Variants in SHPRH observed in about 807,000 individuals in gnomAD.
The protein encoded by SHPRH is SNF2 histone linker PHD RING helicase.
SHPRH carries 106 observed loss-of-function variants against 202.5 expected under a neutral mutation model. The ratio of observed to expected loss-of-function variants is 0.52; its 90% CI spans 0.45 to 0.62. SHPRH has a LOEUF of 0.62. SHPRH is among the 20% of genes least tolerant of loss of function. The probability of loss-of-function intolerance (pLI) is 0.00; values close to 1 mark genes in which losing one functional copy is unlikely to be tolerated. For missense variants in SHPRH, 1,710 were observed against 2,020.0 expected (o/e 0.85, Z 2.94); for synonymous variants, 729 against 686.0 (o/e 1.06, Z -0.98).
At chr6:145,895,096 C>A in intron 25 of SHPRH, 119 bp from the exon 26 acceptor site, 1 of 841,290 alleles carries the variant, frequency 1.2e-6, no homozygotes, top group Non-Finnish European at 1.9e-6. Context: ...AACAAATTAT[C>A]AGGTGCATAT....
In SHPRH at chr6:145,945,513, A is replaced by G. The variant is rs750812570; in HGVS notation, c.1446T>C (p.Leu482=). ...YRYDVQRNRS[L]LKRMLKCLIF... ...TTAAACATTTCAGCATCCGTTTCAA[A>G]AGACTCCTGTTCCGTTGAACATCGT... Residue 482 remains leucine (L), a synonymous_variant, in exon 8 of 30, where the codon CTT becomes CTC. Transcript: ENST00000275233. The G allele has an allele frequency of 2.8e-5, 45 of 1,613,360 alleles. No homozygotes were observed. In the South Asian group the frequency reaches 4.6e-4, roughly 17 times the overall value.
intron 13 of SHPRH, among the ~76,000 whole-genome samples, chr6:145,934,156 T>C (rs564680761): frequency 2.0e-5 from 3 of 151,820 alleles, no homozygotes; most frequent in Non-Finnish European, 2.9e-5. Context: ...TCAGGCAACA[T>C]AGCGAGGCCC....
In SHPRH at chr6:145,893,260, T is replaced by C; in HGVS notation, c.4829A>G (p.His1610Arg). 1.3e-6 allele frequency: 2 copies of C among 1,598,292 alleles called. No individual in the cohort carries two copies. The highest frequency in any genetic ancestry group is 8.5e-7 in the Non-Finnish European group (1 of 1,173,996). Reference protein sequence around the residue: ...LLVEPILNPAHELQAIGRVHR... With the variant: ...LLVEPILNPARELQAIGRVHR... ...CACCCTCCCTATGGCCTGAAGCTCA[T>C]GGGCAGGGTTCAATATGGGCTCCAC... The change falls in exon 28 of 30, where the codon CAT becomes CGT. Residue 1610 changes from histidine to arginine, a missense_variant. His to Arg is a conservative substitution (Grantham distance 29). Around this residue, in one of 8 missense-constraint regions of SHPRH, gnomAD observed 306 missense variants for 479.5 expected, o/e 0.64. Coordinates refer to ENST00000275233, the MANE Select transcript of SHPRH (RefSeq NM_001042683.3).
downstream of SHPRH, among the ~76,000 whole-genome samples, chr6:145,861,385 C>G (rs376019809): frequency 6.6e-6 from 1 of 151,262 alleles, no homozygotes; most frequent in East Asian, 1.9e-4. Context: ...TAAACGAAAA[C>G]TACAGTGAGA....
chr6:145,963,560 G>C (rs926512339), intron 1 of SHPRH, among the ~76,000 whole-genome samples, 171 bp downstream of exon 1: 1 of 152,190 alleles, frequency 6.6e-6, no homozygotes, highest in East Asian at 1.9e-4. Flanking sequence ...ATGTCAAAGA[G>C]TGGTTCTGAA....
intron 23 of SHPRH, among the ~76,000 whole-genome samples, chr6:145,916,884 G>A (rs1453124785): frequency 6.6e-6 from 1 of 152,020 alleles, no homozygotes; most frequent in Non-Finnish European, 1.5e-5. Flanking sequence ...CCAGGTTCAA[G>A]CGATTCTCCT....
chr6:145,922,374 T>C (rs374467553), intron 19 of SHPRH, 26 bp from the exon 20 acceptor site: 6 of 1,548,352 alleles, frequency 3.9e-6, no homozygotes, highest in South Asian at 1.2e-5. Flanking sequence ...TTAACAGAAA[T>C]ATTCACAAAC....
At chr6:145,904,319 TAAAG>T (rs1782755383) in intron 25 of SHPRH, 1 of 152,028 alleles carries the variant, frequency 6.6e-6, no homozygotes, top group Non-Finnish European at 1.5e-5. Context: ...TATTGCTTGT[TAAAG>T]AACAACGATT....
Position 145,935,179 on chromosome 6 carries a change from G to GAAAAA in SHPRH, c.2734-21_2734-17dup. The stretch of plus-strand genomic sequence containing the variant: ...GTATTTGGATCTGTGAAAAGGAGCA[G>GAAAAA]AAAAAAAAAAAAAGATATCATCTAA... On this transcript the variant is annotated splice_polypyrimidine_tract_variant and intron_variant, in intron 12 of 29. Transcript: ENST00000275233. 7.6e-7 allele frequency: 1 copy of GAAAAA among 1,323,826 alleles called. No individual in the cohort carries two copies. Among genetic ancestry groups the GAAAAA allele is most frequent in the Non-Finnish European group, 1.0e-6 (1 of 970,884 alleles). The allele number at this position is 1,323,826 out of a possible 1,614,324, so 82.0% of individuals were successfully genotyped here.
chr6:145,918,417 G>A, intron 22 of SHPRH, 185 bp from the exon 23 acceptor site: 1 of 285,764 alleles, frequency 3.5e-6, no homozygotes, highest in Non-Finnish European at 5.8e-6. Flanking sequence ...TTTTTTTTTT[G>A]CTTTATGAAA....
At chr6:145,873,437 T>C (rs904437220) in intron 2 of SHPRH, among the ~76,000 whole-genome samples, 16 of 152,290 alleles carry the variant, frequency 1.1e-4, no homozygotes, top group African/African-American at 3.6e-4. Flanking sequence ...ACACTATCAA[T>C]TGACACAACT....
chr6:145,866,728 G>A (rs1181236634), intron 2 of SHPRH, among the ~76,000 whole-genome samples: 2 of 152,196 alleles, frequency 1.3e-5, no homozygotes, highest in Admixed American at 1.3e-4. Flanking sequence ...ATTCCAGGGA[G>A]GAGGCCACTT....
chr6:145,893,298 A>G lies in SHPRH; in HGVS notation c.4791T>C (p.Thr1597=). The change falls in exon 28 of 30, where the codon ACT becomes ACC. Residue 1597 remains threonine, a synonymous_variant. Transcript: ENST00000275233. ...ATATGGGCTCCACCAAGAGAACATGAGTTGCTTCAATGATAGTTAATCCAT... is the reference window on the plus strand; with the variant it reads ...ATATGGGCTCCACCAAGAGAACATGGGTTGCTTCAATGATAGTTAATCCAT... The part of the protein sequence containing the change: ...GSNGLTIIEA[T]HVLLVEPILN... The G allele has an allele frequency of 6.2e-7, 1 of 1,604,792 alleles. No homozygotes were observed. The highest frequency in any genetic ancestry group is 8.5e-7 in the Non-Finnish European group (1 of 1,175,994).
rs1018553082 is a variant in SHPRH, at chr6:145,955,084, G to A, written c.239C>T (p.Ser80Leu). Residue 80 changes from serine (S) to leucine (L), a missense_variant, in exon 2 of 30, where the codon TCA becomes TTA. Physicochemically the swap from Ser to Leu is moderately radical, Grantham distance 145. This residue lies in a region of SHPRH where 459 missense variants were observed against 426.5 expected (regional missense o/e 1.08). Transcript: ENST00000275233. ...KKRCSKVVSFSKPIEKEETVG... is the reference protein window; with the variant it reads ...KKRCSKVVSFLKPIEKEETVG... Reference sequence around the variant, plus strand: ...AGTCTCTTCTTTTTCAATTGGTTTTGAGAAGCTCACCACTTTTGAACACCT... The same window carrying A: ...AGTCTCTTCTTTTTCAATTGGTTTTAAGAAGCTCACCACTTTTGAACACCT... 8 of 1,613,320 alleles carry A rather than the reference G, an allele frequency of 5.0e-6. No homozygotes were observed. Among genetic ancestry groups the A allele is most frequent in the Non-Finnish European group, 4.2e-6 (5 of 1,179,946 alleles).
chr6:145,922,796 G>A lies in SHPRH; in HGVS notation c.3586C>T (p.Gln1196Ter), dbSNP rs1324284337. The change falls in exon 19 of 30, where the codon CAA becomes TAA. Residue 1196 changes from glutamine to a stop codon, truncating the protein, a stop_gained. Coordinates refer to ENST00000275233, the MANE Select transcript of SHPRH (RefSeq NM_001042683.3). LOFTEE classifies it high-confidence loss of function. ...CRGLQFLLTT[Q>*]MEELNKCQKL... ...TGGCATTTATTTAGCTCTTCCATTTGTGTTGTAAGTAAGAACTGAAGACCT... is the reference window on the plus strand; with the variant it reads ...TGGCATTTATTTAGCTCTTCCATTTATGTTGTAAGTAAGAACTGAAGACCT... 6.2e-7 allele frequency: 1 copy of A among 1,611,710 alleles called. No homozygotes were observed. Among genetic ancestry groups the A allele is most frequent in the Non-Finnish European group, 8.5e-7 (1 of 1,178,588 alleles).
chr6:145,888,312 G>C (rs953548179), intron 28 of SHPRH, among the ~76,000 whole-genome samples: 9 of 152,112 alleles, frequency 5.9e-5, no homozygotes, highest in African/African-American at 2.2e-4. Flanking sequence ...AAAAGAGTAA[G>C]ACGGTTTCAG....
At chr6:145,931,674 T>G (rs1375565425) in intron 14 of SHPRH, among the ~76,000 whole-genome samples, 2 of 152,112 alleles carry the variant, frequency 1.3e-5, no homozygotes, top group Admixed American at 6.6e-5. Flanking sequence ...TCTTTTGGAT[T>G]ATTACCTCTA....
chr6:145,954,340 G>A (rs182827811), intron 2 of SHPRH, among the ~76,000 whole-genome samples: 242 of 152,132 alleles, frequency 1.6e-3, no homozygotes, highest in South Asian at 5.0e-3. Flanking sequence ...GCAGTAATGG[G>A]TAGAATTTCA....
At position 145,946,096 on chromosome 6, in the gene SHPRH, T is replaced by C. The variant is rs1367007966; in HGVS notation, c.1321+137A>G. The C allele has an allele frequency of 1.7e-5, 10 of 598,060 alleles. No individual in the cohort carries two copies. In the East Asian group the frequency reaches 1.9e-4, roughly 11 times the overall value. 37.0% of individuals were successfully genotyped at this position (598,060 alleles called of 1,614,324 possible). A position where few individuals can be genotyped will look rare whatever the true frequency, so the allele number is the denominator to read the frequency against. ...TTTGTTAAGATATTATGACTTGTAA[T>C]TGAATTCATTTATCAAAAGCATATA... On this transcript the variant is annotated intron_variant, in intron 7 of 29. Transcript: ENST00000275233.
Sources: gnomAD v4.1 joint callset for allele counts (sites outside exome capture counted in the v4.1 genomes callset) on GRCh38, gnomAD v4.1.1 for gene constraint, gnomAD v4.1.1 regional missense constraint, MANE v1.5 for transcripts, NCBI Gene and HGNC (gene_info 2026-07-23, HGNC 2026-07-21) for gene names.